The following NKAIN2 variants were observed in gnomAD, a reference collection of about 807,000 sequenced individuals.
The protein encoded by NKAIN2 is sodium/potassium transporting ATPase interacting 2, also known as sodium/potassium-transporting ATPase subunit beta-1-interacting protein 2.
Under a neutral mutation model 32.6 loss-of-function variants are expected in NKAIN2, and 14 were observed. The observed-to-expected ratio is 0.43, with a 90% CI of 0.28 to 0.67. The LOEUF is 0.67. Ranked by LOEUF, NKAIN2 falls within the 30% of genes least tolerant of loss-of-function variation. The probability of loss-of-function intolerance (pLI) is 0.17; values close to 1 mark genes in which losing one functional copy is unlikely to be tolerated. For missense variants in NKAIN2, 198 were observed against 258.3 expected, an observed-to-expected ratio of 0.77 and a Z score of 1.60; for synonymous variants, 80 against 87.2, an observed-to-expected ratio of 0.92 and a Z score of 0.46.
intron 3 of NKAIN2, among the ~76,000 whole-genome samples, chr6:124,569,582 A>G (rs1270321993): frequency 6.6e-6 from 1 of 152,044 alleles, no homozygotes. Context: ...GGCTCGTGAG[A>G]TCTGATGGGT....
intron 1 of NKAIN2, among the ~76,000 whole-genome samples, chr6:124,141,143 CA>C (rs1328545985): frequency 6.6e-6 from 1 of 151,962 alleles, no homozygotes; most frequent in African/African-American, 2.4e-5. Context: ...ATTTGTCGTT[CA>C]AAGATAGTGG....
chr6:124,018,568 A>G (rs1582937999), intron 1 of NKAIN2, among the ~76,000 whole-genome samples: 1 of 152,158 alleles, frequency 6.6e-6, no homozygotes, highest in East Asian at 1.9e-4. Context: ...AAAGTTCAAC[A>G]GATCTCTAGG....
chr6:124,524,433 T>C (rs975462786), intron 3 of NKAIN2, among the ~76,000 whole-genome samples: 11 of 152,198 alleles, frequency 7.2e-5, no homozygotes, highest in Non-Finnish European at 1.6e-4. Context: ...GCTTAGCATA[T>C]CAAACTTTAT....
intron 1 of NKAIN2, among the ~76,000 whole-genome samples, chr6:124,080,146 G>A (rs1783890425): frequency 6.6e-6 from 1 of 152,110 alleles, no homozygotes; most frequent in Non-Finnish European, 1.5e-5. Flanking sequence ...GGCTTCCAGG[G>A]TGGTTTCCTA....
chr6:123,907,476 A>G (rs1774941434), intron 1 of NKAIN2, among the ~76,000 whole-genome samples: 1 of 152,160 alleles, frequency 6.6e-6, no homozygotes, highest in South Asian at 2.1e-4. Context: ...ATAAGTTAAC[A>G]GACAGACTCA....
chr6:123,896,434 T>C (rs148752540), intron 1 of NKAIN2, among the ~76,000 whole-genome samples: 1 of 152,332 alleles, frequency 6.6e-6, no homozygotes, highest in Non-Finnish European at 1.5e-5. Context: ...CAAGTCAGTA[T>C]TTAAATGAGA....
intron 1 of NKAIN2, among the ~76,000 whole-genome samples, chr6:123,856,165 C>CT (rs35936051): frequency 6.6e-6 from 1 of 152,064 alleles, no homozygotes; most frequent in Non-Finnish European, 1.5e-5. Context: ...AAACCCCTTC[C>CT]TTTTTTTCCT....
chr6:124,360,941 G>A (rs558451885), intron 3 of NKAIN2, among the ~76,000 whole-genome samples: 1 of 152,234 alleles, frequency 6.6e-6, no homozygotes, highest in East Asian at 1.9e-4. Flanking sequence ...TGAATTAAGA[G>A]TTTTGACAAT....
chr6:124,204,643 A>T (rs1354343362), intron 1 of NKAIN2, among the ~76,000 whole-genome samples: 1 of 151,814 alleles, frequency 6.6e-6, no homozygotes, highest in Non-Finnish European at 1.5e-5. Context: ...GCAACTATTC[A>T]TCAAGAAGTA....
chr6:124,542,483 C>T, intron 3 of NKAIN2, among the ~76,000 whole-genome samples: 1 of 152,058 alleles, frequency 6.6e-6, no homozygotes, highest in East Asian at 1.9e-4. Flanking sequence ...TTGTCTAGAG[C>T]CAAGACACAT....
At chr6:124,171,437 G>C (rs1410353275) in intron 1 of NKAIN2, among the ~76,000 whole-genome samples, 2 of 151,666 alleles carry the variant, frequency 1.3e-5, no homozygotes, top group Admixed American at 6.6e-5. Flanking sequence ...ATCCATTCTG[G>C]AATAATTTTT....
chr6:123,996,952 A>G (rs892840122), intron 1 of NKAIN2, among the ~76,000 whole-genome samples: 1 of 152,166 alleles, frequency 6.6e-6, no homozygotes, highest in Non-Finnish European at 1.5e-5. Context: ...ACTTTTTGAT[A>G]TCATCATTTG....
intron 3 of NKAIN2, chr6:124,437,868 A>AT: frequency 3.5e-6 from 1 of 283,000 alleles, no homozygotes; most frequent in Non-Finnish European, 6.6e-6. Flanking sequence ...GTACTGATCT[A>AT]TTGATTTTTT....
intron 1 of NKAIN2, among the ~76,000 whole-genome samples, chr6:123,920,757 C>T (rs1775714528): frequency 1.3e-5 from 2 of 152,166 alleles, no homozygotes; most frequent in African/African-American, 4.8e-5. Flanking sequence ...CATTGGCCCT[C>T]TGCATCTATC....
rs189055230 is a variant in NKAIN2, at chr6:124,011,292, G to A, written c.54+207038G>A. The stretch of plus-strand genomic sequence containing the variant: ...CTTGATATTTTTTACATGCCCAACT[G>A]TAGTCATCTTTCATTTCTGTTTTAC... On this transcript the variant is annotated intron_variant, in intron 1 of 6. Coordinates refer to ENST00000368417, the MANE Select transcript of NKAIN2 (RefSeq NM_001040214.3). Among the ~76,000 whole-genome samples, 3 of 151,898 alleles carry A rather than the reference G, an allele frequency of 2.0e-5. No individual in the cohort carries two copies. In the East Asian group the frequency reaches 5.8e-4, roughly 29 times the overall value.
Position 124,323,780 on chromosome 6 carries a change from T to TTC in NKAIN2, c.193-31486_193-31485insCT, listed in dbSNP as rs1340670848. ...TTTAGCTGTTTCAATTCTTTTAATT[T>TTC]TTTCTTTTTTTTTTTTTTTTTTTCT... On this transcript the variant is annotated intron_variant, in intron 2 of 6. Coordinates refer to ENST00000368417, the MANE Select transcript of NKAIN2 (RefSeq NM_001040214.3). Among the ~76,000 whole-genome samples the TTC allele has an allele frequency of 7.5e-3, 977 of 129,620 alleles. 40 individuals carry two copies. The highest frequency in any genetic ancestry group is 0.037 in the East Asian group (129 of 3,488). The allele number at this position is 129,620 out of a possible 152,430, so 85.0% of individuals were successfully genotyped here. A position where few individuals can be genotyped will look rare whatever the true frequency, so the allele number is the denominator to read the frequency against.
At chr6:124,168,650 T>G (rs538221466) in intron 1 of NKAIN2, among the ~76,000 whole-genome samples, 1 of 152,202 alleles carries the variant, frequency 6.6e-6, no homozygotes, top group South Asian at 2.1e-4. Context: ...TGCCTGTGTG[T>G]TGGCCAGTTC....
chr6:124,384,570 G>A (rs1330859077), intron 3 of NKAIN2, among the ~76,000 whole-genome samples: 1 of 151,664 alleles, frequency 6.6e-6, no homozygotes, highest in African/African-American at 2.4e-5. Context: ...AATACTTATG[G>A]CTTGTATTTG....
chr6:123,944,321 G>T (rs1232821118), intron 1 of NKAIN2, among the ~76,000 whole-genome samples: 4 of 152,050 alleles, frequency 2.6e-5, no homozygotes, highest in African/African-American at 9.7e-5. Context: ...AAGATTATGA[G>T]ATTCCCACTT....
Sources: allele counts gnomAD v4.1 joint callset (sites outside exome capture counted in the v4.1 genomes callset), GRCh38; gene constraint gnomAD v4.1.1; transcripts MANE v1.5; gene names NCBI Gene and HGNC (gene_info 2026-07-23, HGNC 2026-07-21).